The following BMP7 variants were observed in gnomAD, a reference collection of about 807,000 sequenced individuals.
BMP7 encodes the protein osteogenic protein 1.
In BMP7, 12 loss-of-function variants were observed where a neutral mutation model predicts 41.2. The ratio of observed to expected loss-of-function variants is 0.29; its 90% confidence interval spans 0.19 to 0.47. The LOEUF (loss-of-function observed/expected upper bound fraction) is 0.47, where lower values mean the gene tolerates loss of function less well. Ranked by LOEUF, BMP7 falls within the 20% of genes least tolerant of loss-of-function variation. The probability of loss-of-function intolerance (pLI) is 0.99; values close to 1 mark genes in which losing one functional copy is unlikely to be tolerated. For synonymous variants in BMP7, 248 were observed against 250.0 expected (o/e 0.99, Z 0.07); for missense variants, 467 against 606.0 (o/e 0.77, Z 2.41).
chr20:57,248,720 T>A (rs887861592), intron 1 of BMP7, among the ~76,000 whole-genome samples: 1 of 152,174 alleles, frequency 6.6e-6, no homozygotes, highest in African/African-American at 2.4e-5. Flanking sequence ...GATAATGACA[T>A]GTTTTTGTGC....
At chr20:57,205,541 C>A (rs1289092716) in intron 2 of BMP7, among the ~76,000 whole-genome samples, 3 of 152,232 alleles carry the variant, frequency 2.0e-5, no homozygotes, top group Non-Finnish European at 4.4e-5. Flanking sequence ...GTCGAAACAA[C>A]TTCTCCTACT....
intron 1 of BMP7, among the ~76,000 whole-genome samples, chr20:57,242,517 T>C (rs1313525077): frequency 1.3e-5 from 2 of 152,282 alleles, no homozygotes; most frequent in African/African-American, 2.4e-5. Context: ...GACTGTACCA[T>C]GTAAAAAGCT....
intron 1 of BMP7, among the ~76,000 whole-genome samples, chr20:57,260,995 C>T (rs901849182): frequency 6.6e-6 from 1 of 152,204 alleles, no homozygotes; most frequent in African/African-American, 2.4e-5. Context: ...CACGCTGATT[C>T]TTGCAATGGG....
intron 4 of BMP7, among the ~76,000 whole-genome samples, chr20:57,183,098 A>G (rs923445807): frequency 6.6e-6 from 1 of 152,038 alleles, no homozygotes; most frequent in African/African-American, 2.4e-5. Context: ...AGCTGGACAC[A>G]GTGGTGCACA....
intron 3 of BMP7, among the ~76,000 whole-genome samples, chr20:57,189,346 C>T (rs1018014907): frequency 3.3e-5 from 5 of 152,298 alleles, no homozygotes; most frequent in East Asian, 1.9e-4. Flanking sequence ...CATCCCCAGG[C>T]GCCAGCACCG....
At position 57,213,603 on chromosome 20, in the gene BMP7, G is replaced by T. The variant is rs1027690735; in HGVS notation, c.612-10980C>A. 6.6e-6 allele frequency among the ~76,000 whole-genome samples: 1 copy of T among 152,122 alleles called. No homozygotes were observed. Among genetic ancestry groups the T allele is most frequent in the Non-Finnish European group, 1.5e-5 (1 of 68,030 alleles). On this transcript the variant is annotated intron_variant, in intron 2 of 6. Coordinates refer to ENST00000395863, the MANE Select transcript of BMP7 (RefSeq NM_001719.3). This position sits in a 1 kb window ranked among gnomAD's most constrained non-coding sequence, Gnocchi z 4.4. ...ACAGAGGCTGGGGGTCAAGAGGGAAGAGAAATACAGCGACAAATGGAAGGC... is the reference window on the plus strand; with the variant it reads ...ACAGAGGCTGGGGGTCAAGAGGGAATAGAAATACAGCGACAAATGGAAGGC...
intron 4 of BMP7, among the ~76,000 whole-genome samples, chr20:57,178,408 G>T (rs752559068): frequency 4.2e-4 from 64 of 152,112 alleles, no homozygotes; most frequent in Non-Finnish European, 8.2e-4. Context: ...GATGGAGGCA[G>T]CCAGGGGGAG....
chr20:57,210,698 T>C (rs528286103), intron 2 of BMP7, among the ~76,000 whole-genome samples: 2 of 152,326 alleles, frequency 1.3e-5, no homozygotes, highest in South Asian at 2.1e-4. Context: ...AATTCCAACA[T>C]GGCCACACAG....
intron 1 of BMP7, among the ~76,000 whole-genome samples, chr20:57,242,163 C>T (rs534285784): frequency 6.6e-6 from 1 of 152,352 alleles, no homozygotes; most frequent in African/African-American, 2.4e-5. Flanking sequence ...CCTCCCCTCA[C>T]TCCCATGAAG....
intron 4 of BMP7, among the ~76,000 whole-genome samples, chr20:57,180,805 G>A (rs192131543): frequency 1.3e-5 from 2 of 152,074 alleles, no homozygotes; most frequent in Non-Finnish European, 2.9e-5. Flanking sequence ...AGGTCCATCC[G>A]GGGGCCCCAG....
At chr20:57,189,777 C>T (rs962166237) in intron 3 of BMP7, among the ~76,000 whole-genome samples, 2 of 152,226 alleles carry the variant, frequency 1.3e-5, no homozygotes, top group Admixed American at 1.3e-4. Flanking sequence ...ATTCATTCAG[C>T]AACTGTTTAT....
chr20:57,193,102 G>C (rs1984414430), intron 3 of BMP7, among the ~76,000 whole-genome samples: 1 of 152,164 alleles, frequency 6.6e-6, no homozygotes, highest in African/African-American at 2.4e-5. Flanking sequence ...TGTTGCTTTT[G>C]GAAGTCTTAG....
At position 57,219,118 on chromosome 20, in the gene BMP7, TTGTTCGGTGGTAGC is replaced by T. The variant is rs1179060948; in HGVS notation, c.611+9097_611+9110del. On this transcript the variant is annotated intron_variant, in intron 2 of 6. Coordinates refer to ENST00000395863, the MANE Select transcript of BMP7 (RefSeq NM_001719.3). ...GCTGGTGTTTGGTGGTAGCTGGTGT[TTGTTCGGTGGTAGC>T]TGTTCGGTGGTAGCTGGTGTTCAGT... Among the ~76,000 whole-genome samples the T allele has an allele frequency of 2.4e-5, 3 of 124,850 alleles. 1 individual carries two copies. The highest frequency in any genetic ancestry group is 2.1e-4 in the South Asian group (1 of 4,696). 81.9% of individuals were successfully genotyped at this position (124,850 alleles called of 152,430 possible). A position where few individuals can be genotyped will look rare whatever the true frequency, so the allele number is the denominator to read the frequency against.
intron 3 of BMP7, among the ~76,000 whole-genome samples, chr20:57,196,571 G>A (rs1984495375): frequency 6.6e-6 from 1 of 152,186 alleles, no homozygotes; most frequent in African/African-American, 2.4e-5. Flanking sequence ...TAGGAAACTT[G>A]TTCTAACAAC....
At chr20:57,182,575 T>C (rs1984110442) in intron 4 of BMP7, among the ~76,000 whole-genome samples, 1 of 152,220 alleles carries the variant, frequency 6.6e-6, no homozygotes, top group South Asian at 2.1e-4. Context: ...GAAGAGGGCC[T>C]GGGGCAAGGG....
intron 1 of BMP7, among the ~76,000 whole-genome samples, chr20:57,238,370 G>A (rs1448930136): frequency 6.6e-6 from 1 of 152,200 alleles, no homozygotes; most frequent in Non-Finnish European, 1.5e-5. Context: ...ATGGTATGCA[G>A]CTTCCACATT....
chr20:57,197,951 A>C (rs112629789), intron 3 of BMP7, among the ~76,000 whole-genome samples: 12,194 of 152,172 alleles, frequency 0.08, 829 homozygotes, highest in African/African-American at 0.18. Context: ...CCCACACTGG[A>C]AGCTCAGGGC....
At chr20:57,187,554 C>CCT (rs140073062) in intron 3 of BMP7, among the ~76,000 whole-genome samples, 11,569 of 142,908 alleles carry the variant, frequency 0.081, 619 homozygotes, top group African/African-American at 0.16. Context: ...GGAAGCCTGC[C>CCT]CTCTCTCTCT....
chr20:57,175,001 C>T lies in BMP7; in HGVS notation c.965G>A (p.Ser322Asn). 1 of 1,611,086 alleles carries T rather than the reference C, an allele frequency of 6.2e-7. No homozygotes were observed. Among genetic ancestry groups the T allele is most frequent in the East Asian group, 2.2e-5 (1 of 44,874 alleles). Residue 322 changes from serine to asparagine, a missense_variant, in exon 5 of 7, where the codon AGC becomes AAC. Coordinates refer to ENST00000395863, the MANE Select transcript of BMP7 (RefSeq NM_001719.3). ...ALRMANVAEN[S>N]SSDQRQACKK... is the part of the protein sequence containing the mutation. ...ACAGGCCTGCCTCTGGTCGCTGCTG[C>T]TGTTCTCTGCATTGACAAGGAAGTG...
Sources: gnomAD v4.1 joint callset for allele counts (sites outside exome capture counted in the v4.1 genomes callset) on GRCh38, gnomAD v4.1.1 for gene constraint, Gnocchi (gnomAD v3.1) non-coding constraint, MANE v1.5 for transcripts, NCBI Gene and HGNC (gene_info 2026-07-23, HGNC 2026-07-21) for gene names.